TUBB8B: variants seen among roughly 807,000 people sequenced by gnomAD.
The protein encoded by TUBB8B is HSA18p11 beta-tubulin 4Q pseudogene.
TUBB8B carries 26 observed loss-of-function variants against 31.9 expected under a neutral mutation model. The observed-to-expected ratio is 0.81, with a 90% CI of 0.60 to 1.13. TUBB8B has a LOEUF of 1.13. Among genes scored for constraint, TUBB8B ranks in the 50% most tolerant of loss-of-function variants. TUBB8B has a pLI of 0.00. For synonymous variants in TUBB8B, 173 were observed against 231.0 expected (o/e 0.75, Z 2.28); for missense variants, 467 against 586.7 (o/e 0.80, Z 2.11).
chr18:50,813 C>CCCAAA (rs1182364830), upstream of TUBB8B, among the ~76,000 whole-genome samples: 118 of 152,164 alleles, frequency 7.8e-4, no homozygotes, highest in Non-Finnish European at 1.5e-3. Context: ...TTGGCTGTGG[C>CCCAAA]ATCTACAAGG....
At chr18:48,740 A>C (rs62075713) in intron 3 of TUBB8B, 200 bp downstream of exon 3, 25,716 of 701,610 alleles carry the variant, frequency 0.037, 997 homozygotes, top group Non-Finnish European at 0.049. Flanking sequence ...CAGGGACATC[A>C]GTAGCTCCTC....
At position 49,595 on chromosome 18, in the gene TUBB8B, A is replaced by G. The variant is rs185092910; in HGVS notation, c.-38T>C. On this transcript the variant is annotated 5_prime_UTR_variant, in exon 1 of 4. Coordinates refer to ENST00000308911, the MANE Select transcript of TUBB8B (RefSeq NM_001358689.2). Reference sequence around the variant, plus strand: ...ATTAGGGCGGCAGCAGAAGCGCGAGAAGGAGGAGCAGACGCGCAGCGACCC... The same window carrying G: ...ATTAGGGCGGCAGCAGAAGCGCGAGGAGGAGGAGCAGACGCGCAGCGACCC... The G allele has an allele frequency of 2.7e-3, 2,079 of 768,120 alleles. 38 individuals carry two copies. The highest frequency in any genetic ancestry group is 0.027 in the African/African-American group (1,540 of 57,638). The allele number at this position is 768,120 out of a possible 1,614,324, so 47.6% of individuals were successfully genotyped here. A position where few individuals can be genotyped will look rare whatever the true frequency, so the allele number is the denominator to read the frequency against.
the TUBB8B span, among the ~76,000 whole-genome samples, chr18:67,947 G>A: frequency 4.6e-5 from 7 of 152,104 alleles, no homozygotes; most frequent in South Asian, 2.1e-4. Context: ...TATGACACCC[G>A]AAATACTGAT....
the TUBB8B span, among the ~76,000 whole-genome samples, chr18:60,060 G>A: frequency 6.6e-6 from 1 of 151,682 alleles, no homozygotes; most frequent in Non-Finnish European, 1.5e-5. Context: ...TTTGATATCA[G>A]TGTAATACTA....
chr18:65,011 G>T, the TUBB8B span, among the ~76,000 whole-genome samples: 1 of 152,056 alleles, frequency 6.6e-6, no homozygotes, highest in Admixed American at 6.5e-5. Context: ...AATTAATAAT[G>T]TTCAAGAGGC....
the TUBB8B span, among the ~76,000 whole-genome samples, chr18:64,479 C>G: frequency 1.3e-5 from 2 of 152,004 alleles, no homozygotes; most frequent in Non-Finnish European, 2.9e-5. Flanking sequence ...AATCGCAGCA[C>G]TTTGGGAGGC....
the TUBB8B span, among the ~76,000 whole-genome samples, chr18:64,013 C>A: frequency 1.3e-5 from 2 of 150,746 alleles, no homozygotes; most frequent in East Asian, 4.0e-4. Flanking sequence ...TAACCACTGA[C>A]CCCAACCCTA....
the TUBB8B span, among the ~76,000 whole-genome samples, chr18:61,919 G>T: frequency 6.6e-6 from 1 of 151,716 alleles, no homozygotes; most frequent in African/African-American, 2.4e-5. Flanking sequence ...TTTTCCATGT[G>T]CTATTACTAC....
At chr18:48,695 A>G (rs1215577634) in intron 3 of TUBB8B, 12 of 666,914 alleles carry the variant, frequency 1.8e-5, no homozygotes, top group Non-Finnish European at 3.3e-5. Flanking sequence ...CATTCTCAGG[A>G]AAGGCAGTAG....
At chr18:62,171 G>A in the TUBB8B span, among the ~76,000 whole-genome samples, 1 of 151,260 alleles carries the variant, frequency 6.6e-6, no homozygotes, top group Non-Finnish European at 1.5e-5. Flanking sequence ...CACTCTTTCA[G>A]CCTGTAAATT....
At chr18:54,910 AT>A in the TUBB8B span, among the ~76,000 whole-genome samples, 1 of 151,970 alleles carries the variant, frequency 6.6e-6, no homozygotes, top group African/African-American at 2.4e-5. Context: ...CATTTCTATG[AT>A]GATCAGTAAT....
chr18:55,920 T>A, the TUBB8B span, among the ~76,000 whole-genome samples: 1 of 151,808 alleles, frequency 6.6e-6, no homozygotes, highest in Non-Finnish European at 1.5e-5. Flanking sequence ...ACCAATGCCC[T>A]AAAGAGTTTC....
At chr18:64,608 C>T in the TUBB8B span, among the ~76,000 whole-genome samples, 1 of 152,042 alleles carries the variant, frequency 6.6e-6, no homozygotes, top group Non-Finnish European at 1.5e-5. Context: ...GCCTGTGTTC[C>T]CAGCTACTTG....
the TUBB8B span, among the ~76,000 whole-genome samples, chr18:64,016 CAACCCTAACCCTT>C: frequency 2.4e-4 from 36 of 150,602 alleles, no homozygotes; most frequent in African/African-American, 6.6e-4. Flanking sequence ...CCACTGACCC[CAACCCTAACCCTT>C]AACCCTAACC....
At chr18:55,694 T>C in the TUBB8B span, among the ~76,000 whole-genome samples, 1 of 151,750 alleles carries the variant, frequency 6.6e-6, no homozygotes, top group African/African-American at 2.4e-5. Flanking sequence ...AATATGAGAT[T>C]TGGGTGGGGA....
At chr18:50,043 C>T, upstream of TUBB8B, 1 of 384,682 alleles carries the variant, frequency 2.6e-6, no homozygotes, top group South Asian at 1.9e-5. Flanking sequence ...ATACGTTTTA[C>T]TTTGGAGCAG....
In TUBB8B at chr18:47,940, C is replaced by T. The variant is rs780719733; in HGVS notation, c.785G>A (p.Arg262Gln). 116 of 1,611,458 alleles carry T rather than the reference C, an allele frequency of 7.2e-5. No homozygotes were observed. Among genetic ancestry groups the T allele is most frequent in the Admixed American group, 1.2e-4 (7 of 59,974 alleles). Residue 262 changes from arginine to glutamine, a missense_variant, in exon 4 of 4, where the codon CGG (arginine) becomes CAG (glutamine). Physicochemically the swap from Arg to Gln is conservative, Grantham distance 43 (BLOSUM62 1). Transcript: ENST00000308911. ...KLAVNMVPFP[R>Q]LHFFMPGFAP... Reference sequence around the variant, plus strand: ...AAAGCCGGGCATGAAGAAATGCAGCCGGGGAAACGGGACCATGTTCACGGC... The same window carrying T: ...AAAGCCGGGCATGAAGAAATGCAGCTGGGGAAACGGGACCATGTTCACGGC...
At chr18:51,294 C>T (rs918752857), upstream of TUBB8B, among the ~76,000 whole-genome samples, 1 of 151,728 alleles carries the variant, frequency 6.6e-6, no homozygotes, top group African/African-American at 2.4e-5. Flanking sequence ...TGGCTGTGTC[C>T]CCAGTCAAAT....
chr18:48,866 A>C, intron 3 of TUBB8B, 74 bp downstream of exon 3: 2 of 1,062,314 alleles, frequency 1.9e-6, no homozygotes, highest in East Asian at 4.8e-5. Flanking sequence ...TTCCCACAGG[A>C]TGACCTTGGG....
Sources: gnomAD v4.1 joint callset for allele counts (sites outside exome capture counted in the v4.1 genomes callset) on GRCh38, gnomAD v4.1.1 for gene constraint, MANE v1.5 for transcripts, NCBI Gene and HGNC (gene_info 2026-07-23, HGNC 2026-07-21) for gene names.